Variants in PCED1B observed in about 807,000 individuals in gnomAD.
PCED1B encodes the protein PC-esterase domain-containing protein 1B.
For synonymous variants in PCED1B, 251 were observed against 246.1 expected (o/e 1.02, Z -0.19); for missense variants, 573 against 573.9 (o/e 1.00, Z 0.02).
intron 2 of PCED1B, among the ~76,000 whole-genome samples, chr12:47,150,739 C>T (rs551108573): frequency 5.3e-5 from 8 of 151,942 alleles, no homozygotes; most frequent in African/African-American, 9.7e-5. Context: ...TGTTGAGCAG[C>T]GAGGAGCTTA....
rs766039731 is a variant in PCED1B, at chr12:47,235,673, G to T, written c.610G>T (p.Ala204Ser). Residue 204 changes from alanine to serine, a missense_variant, in exon 4 of 4, where the codon GCA becomes TCA. Ala to Ser is a moderately conservative substitution (Grantham distance 99, BLOSUM62 1). Coordinates refer to ENST00000546455, the MANE Select transcript of PCED1B (RefSeq NM_138371.3). ...AGCCAACTTCCACAGCGCCACCGAG[G>T]CACGTAAACATAACTTCGATGTACT... ...VKANFHSATE[A>S]RKHNFDVLDL... is the part of the protein sequence containing the mutation. 4 of 1,612,880 alleles carry T rather than the reference G, an allele frequency of 2.5e-6. No individual in the cohort carries two copies. The highest frequency in any genetic ancestry group is 3.4e-6 in the Non-Finnish European group (4 of 1,179,920).
At chr12:47,104,396 T>G (rs76318739) in intron 2 of PCED1B, among the ~76,000 whole-genome samples, 1 of 152,214 alleles carries the variant, frequency 6.6e-6, no homozygotes, top group Non-Finnish European at 1.5e-5. Context: ...TGGTAACCAT[T>G]GTATTGAAAT....
intron 1 of PCED1B, among the ~76,000 whole-genome samples, chr12:47,102,732 T>C (rs531188809): frequency 2.6e-5 from 4 of 152,316 alleles, no homozygotes; most frequent in Non-Finnish European, 5.9e-5. Flanking sequence ...ACCCACTTTA[T>C]AGGATTGATT....
chr12:47,187,712 T>G (rs1441860518), intron 2 of PCED1B: 1 of 153,232 alleles, frequency 6.5e-6, no homozygotes, highest in African/African-American at 2.4e-5. Flanking sequence ...AGTTCTAGAA[T>G]TCCTAAACAT....
chr12:47,204,877 C>T (rs150266561), intron 2 of PCED1B, among the ~76,000 whole-genome samples: 21 of 152,206 alleles, frequency 1.4e-4, no homozygotes, highest in Admixed American at 9.2e-4. Flanking sequence ...CAGTTGCCTC[C>T]GTAATCATTT....
At chr12:47,213,590 T>C (rs1307318854) in intron 2 of PCED1B, among the ~76,000 whole-genome samples, 1 of 152,242 alleles carries the variant, frequency 6.6e-6, no homozygotes, top group African/African-American at 2.4e-5. Context: ...ATGGCTTGCA[T>C]AAAGCAAAGT....
intron 1 of PCED1B, among the ~76,000 whole-genome samples, chr12:47,083,019 G>A (rs1002837370): frequency 3.3e-5 from 5 of 149,472 alleles, no homozygotes; most frequent in African/African-American, 5.0e-5. Flanking sequence ...AGAAGGGGGT[G>A]TGGTCATGTG....
intron 3 of PCED1B, among the ~76,000 whole-genome samples, chr12:47,219,809 AT>A (rs1943417012): frequency 6.6e-6 from 1 of 152,148 alleles, no homozygotes; most frequent in Non-Finnish European, 1.5e-5. Context: ...TTTCTTCTTA[AT>A]TTAAACAAGT....
intron 2 of PCED1B, among the ~76,000 whole-genome samples, chr12:47,205,368 G>A (rs533785255): frequency 2.3e-3 from 343 of 152,270 alleles, no homozygotes; most frequent in Non-Finnish European, 3.6e-3. Flanking sequence ...GAGCAATTTG[G>A]AAAGGTTCAG....
At chr12:47,124,363 A>G (rs75277299) in intron 2 of PCED1B, among the ~76,000 whole-genome samples, 4,527 of 152,028 alleles carry the variant, frequency 0.03, 177 homozygotes, top group African/African-American at 0.087. Flanking sequence ...ACTCCTTTTT[A>G]TTGCTGAACA....
chr12:47,168,993 A>T (rs946445594), intron 2 of PCED1B, among the ~76,000 whole-genome samples: 2 of 152,240 alleles, frequency 1.3e-5, no homozygotes, highest in Non-Finnish European at 2.9e-5. Context: ...TACTCAAAGG[A>T]TATATGGTTT....
At chr12:47,122,728 C>A (rs1408012344) in intron 2 of PCED1B, among the ~76,000 whole-genome samples, 1 of 152,114 alleles carries the variant, frequency 6.6e-6, no homozygotes, top group Non-Finnish European at 1.5e-5. Context: ...TGGATACAAA[C>A]CTTGGCACTG....
At chr12:47,167,042 GT>G (rs2137532279) in intron 2 of PCED1B, among the ~76,000 whole-genome samples, 1 of 152,294 alleles carries the variant, frequency 6.6e-6, no homozygotes, top group East Asian at 1.9e-4. Flanking sequence ...TTACAGGAAG[GT>G]GACCAAGAAA....
intron 1 of PCED1B, among the ~76,000 whole-genome samples, chr12:47,084,929 A>T (rs1937907225): frequency 6.6e-6 from 1 of 152,206 alleles, no homozygotes; most frequent in African/African-American, 2.4e-5. Flanking sequence ...TGAGGTCAGG[A>T]GTTGGGAGAC....
chr12:47,197,306 C>T (rs1263993414), intron 2 of PCED1B, among the ~76,000 whole-genome samples: 3 of 147,738 alleles, frequency 2.0e-5, no homozygotes, highest in Non-Finnish European at 4.5e-5. Flanking sequence ...AAAGTCATTG[C>T]ATATTAAAAT....
At chr12:47,181,802 C>T (rs1420674129) in intron 2 of PCED1B, among the ~76,000 whole-genome samples, 2 of 151,828 alleles carry the variant, frequency 1.3e-5, no homozygotes, top group African/African-American at 4.8e-5. Flanking sequence ...AACTTTTTGT[C>T]AGTACTAAAC....
chr12:47,092,470 G>T (rs764377969), intron 1 of PCED1B, among the ~76,000 whole-genome samples: 4 of 151,902 alleles, frequency 2.6e-5, no homozygotes, highest in Non-Finnish European at 5.9e-5. Context: ...GTCTGGAAAT[G>T]ACAATTTTAT....
At chr12:47,222,588 C>T (rs1249526394) in intron 3 of PCED1B, among the ~76,000 whole-genome samples, 1 of 152,144 alleles carries the variant, frequency 6.6e-6, no homozygotes, top group Non-Finnish European at 1.5e-5. Context: ...AAGATAATAG[C>T]TACATTCACT....
At chr12:47,135,878 G>C in intron 2 of PCED1B, 1 of 428,280 alleles carries the variant, frequency 2.3e-6, no homozygotes, top group East Asian at 6.3e-5. Context: ...CAGGAGTGAA[G>C]AGGGTTTGGA....
Sources: gnomAD v4.1 joint callset for allele counts (sites outside exome capture counted in the v4.1 genomes callset) on GRCh38, gnomAD v4.1.1 for gene constraint, MANE v1.5 for transcripts, NCBI Gene and HGNC (gene_info 2026-07-23, HGNC 2026-07-21) for gene names.